FBXO46: variants seen among roughly 807,000 people sequenced by gnomAD.
FBXO46 encodes F-box protein 46.
In FBXO46, 13 loss-of-function variants were observed where a neutral mutation model predicts 30.7. The observed-to-expected ratio is 0.42, with a 90% confidence interval of 0.28 to 0.67. The LOEUF is 0.67. FBXO46 is among the 30% of genes least tolerant of loss of function. The pLI is 0.21. For missense variants in FBXO46, 754 were observed against 871.5 expected, an observed-to-expected ratio of 0.87 and a Z score of 1.70; for synonymous variants, 467 against 385.8, an observed-to-expected ratio of 1.21 and a Z score of -2.47.
chr19:45,718,511 G>A (rs933444856), intron 1 of FBXO46, among the ~76,000 whole-genome samples: 110 of 152,140 alleles, frequency 7.2e-4, no homozygotes, highest in African/African-American at 2.4e-3. Flanking sequence ...CAAAGTTACC[G>A]GGCTCTTGCC....
At chr19:45,717,750 C>G (rs1162783515) in intron 1 of FBXO46, among the ~76,000 whole-genome samples, 1 of 140,118 alleles carries the variant, frequency 7.1e-6, no homozygotes, top group Non-Finnish European at 1.5e-5. Context: ...GCGGAGAGAT[C>G]AGAGTATCCA....
chr19:45,711,553 G>C lies in FBXO46; in HGVS notation c.*131C>G, dbSNP rs548376439. ...CCTGGGTCACCCCTGCTGAACCCCA[G>C]CTCAGTTCCGGTGAGGGATCAATGC... is the stretch of plus-strand genomic sequence containing the variant. On this transcript the variant is annotated 3_prime_UTR_variant, in exon 2 of 2. Transcript: ENST00000317683. 836 of 774,178 alleles carry C rather than the reference G, an allele frequency of 1.1e-3. 3 individuals are homozygous for C. The highest frequency in any genetic ancestry group is 1.7e-3 in the Non-Finnish European group (750 of 451,150). 48.0% of individuals were successfully genotyped at this position (774,178 alleles called of 1,614,324 possible).
At chr19:45,722,564 C>T (rs574684254) in intron 1 of FBXO46, among the ~76,000 whole-genome samples, 2 of 151,996 alleles carry the variant, frequency 1.3e-5, no homozygotes, top group South Asian at 4.1e-4. Flanking sequence ...AGATCGAGAC[C>T]ATCCTGGCTA....
chr19:45,712,969 A>C lies in FBXO46; in HGVS notation c.527T>G (p.Val176Gly). 1 of 1,580,650 alleles carries C rather than the reference A, an allele frequency of 6.3e-7. No homozygotes were observed. Among genetic ancestry groups the C allele is most frequent in the Non-Finnish European group, 8.6e-7 (1 of 1,162,602 alleles). ...GGCTGCCCGCTGTTCCACCAGGGCC[A>C]CCATCTCGGCCACAGAGAGCAGGTC... Reference protein sequence around the residue: ...DVDLLSVAEMVALVEQRAALA... With the variant: ...DVDLLSVAEMGALVEQRAALA... The change falls in exon 2 of 2, where the codon GTG (valine) becomes GGG (glycine). Residue 176 changes from valine to glycine, a missense_variant. This residue lies in a region of FBXO46 where 454 missense variants were observed against 426.5 expected (regional missense o/e 1.06). Coordinates refer to ENST00000317683, the MANE Select transcript of FBXO46 (RefSeq NM_001080469.2). This position sits in a 1 kb window ranked among gnomAD's most constrained non-coding sequence, Gnocchi z 8.8.
At position 45,710,767 on chromosome 19, in the gene FBXO46, A is replaced by G. The variant is rs531520842; in HGVS notation, c.*917T>C. 1 of 152,728 alleles carries G rather than the reference A, an allele frequency of 6.5e-6. No individual in the cohort carries two copies. The highest frequency in any genetic ancestry group is 1.5e-5 in the Non-Finnish European group (1 of 68,138). 9.5% of individuals were successfully genotyped at this position (152,728 alleles called of 1,614,324 possible). On this transcript the variant is annotated 3_prime_UTR_variant, in exon 2 of 2. Transcript: ENST00000317683. ...ACAAACAAAAATACCCCAGACCAAA[A>G]TGCCTGAAAAATCAAGGTCCTGGTT...
chr19:45,715,084 T>C (rs556849309), intron 1 of FBXO46: 2 of 152,322 alleles, frequency 1.3e-5, no homozygotes, highest in South Asian at 4.1e-4. Context: ...GCTCTGTTAA[T>C]GACTATTTTA....
At chr19:45,725,724 A>G (rs1385187983) in intron 1 of FBXO46, among the ~76,000 whole-genome samples, 1 of 152,156 alleles carries the variant, frequency 6.6e-6, no homozygotes, top group Non-Finnish European at 1.5e-5. Context: ...ATAGAGCCAG[A>G]CTTTGTCTCA....
chr19:45,729,520 A>G (rs1057053394), intron 1 of FBXO46, among the ~76,000 whole-genome samples: 1 of 152,246 alleles, frequency 6.6e-6, no homozygotes, highest in African/African-American at 2.4e-5. Context: ...CGCTGTCTCT[A>G]CTCATCACAT....
At chr19:45,724,865 C>A (rs887063683) in intron 1 of FBXO46, among the ~76,000 whole-genome samples, 6 of 152,104 alleles carry the variant, frequency 3.9e-5, no homozygotes, top group African/African-American at 1.4e-4. Context: ...GTTGGCCAGG[C>A]TGGTCACAAG....
Position 45,713,620 on chromosome 19 carries a change from T to C in FBXO46, c.-78-47A>G, listed in dbSNP as rs1968038818. On this transcript the variant is annotated intron_variant, in intron 1 of 1. Transcript: ENST00000317683. The surrounding 1 kb of genome is among the most constrained non-coding windows in gnomAD (Gnocchi z 4.7). Reference sequence around the variant, plus strand: ...TGGGGAGCTAGGGGGACAGCCTTTCTTCCCAGGACCACCCCAACCTCCACC... The same window carrying C: ...TGGGGAGCTAGGGGGACAGCCTTTCCTCCCAGGACCACCCCAACCTCCACC... 2 of 767,604 alleles carry C rather than the reference T, an allele frequency of 2.6e-6. No homozygotes were observed. The highest frequency in any genetic ancestry group is 4.2e-6 in the Non-Finnish European group (2 of 480,968). The allele number at this position is 767,604 out of a possible 1,614,324, so 47.5% of individuals were successfully genotyped here.
In FBXO46 at chr19:45,711,705, G is replaced by C. The variant is rs1289677696; in HGVS notation, c.1791C>G (p.Ala597=). The change falls in exon 2 of 2, where the codon GCC becomes GCG. Residue 597 remains alanine (A), a synonymous_variant. Transcript: ENST00000317683. ...LPCNGPGGGR[A]GREEGR is the part of the protein sequence containing the mutation. ...GGCTTCACCTCCCCTCCTCCCGGCC[G>C]GCCCGGCCCCCGCCTGGCCCATTGC... The C allele has an allele frequency of 6.5e-7, 1 of 1,530,852 alleles. No homozygotes were observed. The allele number at this position is 1,530,852 out of a possible 1,614,324, so 94.8% of individuals were successfully genotyped here. A position where few individuals can be genotyped will look rare whatever the true frequency, so the allele number is the denominator to read the frequency against.
At chr19:45,731,646 A>G (rs1410592112), upstream of FBXO46, among the ~76,000 whole-genome samples, 3 of 151,604 alleles carry the variant, frequency 2.0e-5, no homozygotes, top group Non-Finnish European at 4.4e-5. Flanking sequence ...CTGATTTACA[A>G]ATGAGAAAAT....
chr19:45,712,765 T>C lies in FBXO46; in HGVS notation c.731A>G (p.Lys244Arg). ...GGGCCGCTCTTCCTTGCGGAGGCCC[T>C]TGGTGGGAGGGCTGTCCCTCTGCGC... ...FEAQRDSPPT[K>R]GLRKEERPGP... The change falls in exon 2 of 2, where the codon AAG becomes AGG. Residue 244 changes from lysine to arginine, a missense_variant. Transcript: ENST00000317683. The surrounding 1 kb of genome is among the most constrained non-coding windows in gnomAD (Gnocchi z 8.8). 6.2e-7 allele frequency: 1 copy of C among 1,611,218 alleles called. No homozygotes were observed. The highest frequency in any genetic ancestry group is 2.2e-5 in the East Asian group (1 of 44,832).
In FBXO46 at chr19:45,711,646, G is replaced by C; in HGVS notation, c.*38C>G. 2 of 1,454,958 alleles carry C rather than the reference G, an allele frequency of 1.4e-6. No individual in the cohort carries two copies. The highest frequency in any genetic ancestry group is 1.9e-6 in the Non-Finnish European group (2 of 1,073,870). The allele number at this position is 1,454,958 out of a possible 1,614,324, so 90.1% of individuals were successfully genotyped here. A position where few individuals can be genotyped will look rare whatever the true frequency, so the allele number is the denominator to read the frequency against. On this transcript the variant is annotated 3_prime_UTR_variant, in exon 2 of 2. Transcript: ENST00000317683. ...TCGGCTCCCGGGGGGAGAGGGGAGG[G>C]GTGGGCGTGGTGGGCTCTCCCCTCC...
intron 1 of FBXO46, chr19:45,715,236 C>A (rs1046248560): frequency 1.3e-5 from 2 of 152,244 alleles, no homozygotes; most frequent in African/African-American, 4.8e-5. Flanking sequence ...CCAGACAGCT[C>A]AAAACCAAAA....
At position 45,711,103 on chromosome 19, in the gene FBXO46, TC is replaced by T. The variant is rs965459836; in HGVS notation, c.*580del. 29 of 356,452 alleles carry T rather than the reference TC, an allele frequency of 8.1e-5. No homozygotes were observed. The highest frequency in any genetic ancestry group is 4.1e-4 in the South Asian group (20 of 48,274). The allele number at this position is 356,452 out of a possible 1,614,324, so 22.1% of individuals were successfully genotyped here. A position where few individuals can be genotyped will look rare whatever the true frequency, so the allele number is the denominator to read the frequency against. On this transcript the variant is annotated 3_prime_UTR_variant, in exon 2 of 2. Coordinates refer to ENST00000317683, the MANE Select transcript of FBXO46 (RefSeq NM_001080469.2). ...TTGAGGTTAAGGAGAAAACAGTATT[TC>T]CCCCCCACTTCTTTAATAGGCAAAC...
At chr19:45,720,572 C>T (rs953331421) in intron 1 of FBXO46, among the ~76,000 whole-genome samples, 1 of 152,134 alleles carries the variant, frequency 6.6e-6, no homozygotes, top group Admixed American at 6.6e-5. Context: ...CCCAGCCTAT[C>T]CCAGCCTTTT....
chr19:45,715,822 A>AG (rs1461927708), intron 1 of FBXO46: 6 of 151,250 alleles, frequency 4.0e-5, no homozygotes, highest in Admixed American at 2.0e-4. Flanking sequence ...AAAAAAAAAA[A>AG]AAAAGAAAGA....
rs1968024401 is a variant in FBXO46, at chr19:45,713,088, G to A, written c.408C>T (p.Arg136=). 1 of 1,599,300 alleles carries A rather than the reference G, an allele frequency of 6.3e-7. No homozygotes were observed. The highest frequency in any genetic ancestry group is 8.5e-7 in the Non-Finnish European group (1 of 1,173,570). ...GAGGAGCCTTGGTGGGGTCAAGACA[G>A]CGCCTCCGCCGCTTGGCCTTGGAGC... ...SDSSKAKRRR[R]CLDPTKAPPD... Residue 136 remains arginine, a synonymous_variant, in exon 2 of 2, where the codon CGC becomes CGT. Coordinates refer to ENST00000317683, the MANE Select transcript of FBXO46 (RefSeq NM_001080469.2). The surrounding 1 kb of genome is among the most constrained non-coding windows in gnomAD (Gnocchi z 4.7).
Sources: allele counts gnomAD v4.1 joint callset (sites outside exome capture counted in the v4.1 genomes callset), GRCh38; gene constraint gnomAD v4.1.1; regional missense constraint gnomAD v4.1.1; non-coding constraint Gnocchi (gnomAD v3.1); transcripts MANE v1.5; gene names NCBI Gene and HGNC (gene_info 2026-07-23, HGNC 2026-07-21).